CTNNA2: variants seen among roughly 807,000 people sequenced by gnomAD.
The protein encoded by CTNNA2 is catenin alpha-2.
A neutral mutation model predicts 101.0 loss-of-function variants in CTNNA2; 42 were observed. That is an observed-to-expected ratio of 0.42 (90% CI 0.32 to 0.54). The LOEUF (loss-of-function observed/expected upper bound fraction) is 0.54. CTNNA2 is among the 20% of genes least tolerant of loss of function. CTNNA2 has a pLI of 0.14. For missense variants in CTNNA2, 871 were observed against 1,223.1 expected, an observed-to-expected ratio of 0.71 and a Z score of 4.29; for synonymous variants, 450 against 456.4, an observed-to-expected ratio of 0.99 and a Z score of 0.18.
chr2:79,976,178 T>G (rs1188635990), intron 7 of CTNNA2, among the ~76,000 whole-genome samples: 1 of 152,116 alleles, frequency 6.6e-6, no homozygotes, highest in African/African-American at 2.4e-5. Context: ...AGAGGAAAAT[T>G]TTATAAGCTT....
At chr2:80,258,741 A>C (rs560459375) in intron 7 of CTNNA2, among the ~76,000 whole-genome samples, 32 of 152,306 alleles carry the variant, frequency 2.1e-4, no homozygotes, top group Admixed American at 1.6e-3. Context: ...GAAGGAACTC[A>C]CATGTTAGAC....
intron 6 of CTNNA2, among the ~76,000 whole-genome samples, chr2:79,896,056 G>C (rs2104246169): frequency 6.6e-6 from 1 of 152,192 alleles, no homozygotes; most frequent in Non-Finnish European, 1.5e-5. Context: ...GCTGAGGGAG[G>C]TGGATCGCCT....
intron 6 of CTNNA2, among the ~76,000 whole-genome samples, chr2:79,876,695 C>A (rs1201456363): frequency 6.6e-6 from 1 of 152,126 alleles, no homozygotes; most frequent in Non-Finnish European, 1.5e-5. Context: ...CACCTTTTAT[C>A]CCCAATTAAT....
chr2:79,411,546 C>G (rs1163443161), intron 4 of CTNNA2, among the ~76,000 whole-genome samples: 2 of 152,086 alleles, frequency 1.3e-5, no homozygotes, highest in Non-Finnish European at 2.9e-5. Context: ...CAACAGATCT[C>G]TCAGCAGAAT....
intron 4 of CTNNA2, among the ~76,000 whole-genome samples, chr2:79,858,390 AT>A (rs893758307): frequency 1.3e-5 from 2 of 151,932 alleles, no homozygotes; most frequent in Non-Finnish European, 2.9e-5. Flanking sequence ...TTGAATTATT[AT>A]TTTTTTTCCT....
intron 1 of CTNNA2, among the ~76,000 whole-genome samples, chr2:79,602,775 A>G (rs1318906098): frequency 6.6e-6 from 1 of 152,188 alleles, no homozygotes; most frequent in Non-Finnish European, 1.5e-5. Context: ...CCTTCATGAA[A>G]AAATCGTGAA....
chr2:79,419,069 T>C (rs1025214517), intron 4 of CTNNA2, among the ~76,000 whole-genome samples: 2 of 15,600 alleles, frequency 1.3e-4, no homozygotes, highest in African/African-American at 7.8e-4. Context: ...CTGGTACTTA[T>C]GCAAAAAAGC....
intron 7 of CTNNA2, among the ~76,000 whole-genome samples, chr2:80,228,110 G>A (rs1209708484): frequency 2.6e-5 from 4 of 152,202 alleles, no homozygotes; most frequent in Admixed American, 2.6e-4. Flanking sequence ...CTCCATGAGT[G>A]CACATGGTCA....
At chr2:80,217,852 A>T (rs1708358144) in intron 7 of CTNNA2, among the ~76,000 whole-genome samples, 2 of 152,216 alleles carry the variant, frequency 1.3e-5, no homozygotes, top group Non-Finnish European at 2.9e-5. Context: ...CCTCCTCTGC[A>T]GAGCAGAGCG....
intron 16 of CTNNA2, among the ~76,000 whole-genome samples, chr2:80,606,512 C>T (rs1698042805): frequency 6.6e-6 from 1 of 151,610 alleles, no homozygotes; most frequent in Admixed American, 6.6e-5. Flanking sequence ...AAACCTAATC[C>T]TCTTTGTGGC....
chr2:80,374,477 G>A (rs771407686), intron 7 of CTNNA2, among the ~76,000 whole-genome samples: 20 of 152,076 alleles, frequency 1.3e-4, no homozygotes, highest in Non-Finnish European at 2.8e-4. Context: ...TACCTAGCTT[G>A]ATTCCATGTC....
At chr2:80,560,973 C>T (rs1239041520) in intron 12 of CTNNA2, among the ~76,000 whole-genome samples, 2 of 151,710 alleles carry the variant, frequency 1.3e-5, no homozygotes, top group African/African-American at 4.8e-5. Context: ...AATATGTCTA[C>T]CAGCAGCCTC....
intron 2 of CTNNA2, among the ~76,000 whole-genome samples, chr2:79,731,148 G>C (rs369231659): frequency 6.6e-6 from 1 of 152,124 alleles, no homozygotes; most frequent in South Asian, 2.1e-4. Flanking sequence ...GTTTCAAAAT[G>C]TGTTACTTTT....
chr2:79,539,301 G>A (rs6707507), intron 1 of CTNNA2, among the ~76,000 whole-genome samples: 69,774 of 152,024 alleles, frequency 0.46, 16,299 homozygotes, highest in Non-Finnish European at 0.5. Flanking sequence ...CGTGTCTTCT[G>A]TTGGCCTTCA....
chr2:80,230,435 T>G (rs1255574318), intron 7 of CTNNA2, among the ~76,000 whole-genome samples: 1 of 152,118 alleles, frequency 6.6e-6, no homozygotes, highest in East Asian at 1.9e-4. Flanking sequence ...TAATCAACAT[T>G]GTGGGTGTTT....
chr2:79,294,995 A>ATGTGTGTG lies in CTNNA2; in HGVS notation c.-405-17702_-405-17695dup, dbSNP rs71385265. 7.3e-5 allele frequency among the ~76,000 whole-genome samples: 11 copies of ATGTGTGTG among 150,638 alleles called. No individual in the cohort carries two copies. In the East Asian group the frequency reaches 9.8e-4, roughly 13 times the overall value. On this transcript the variant is annotated intron_variant, in intron 2 of 21. Coordinates refer to the CTNNA2 transcript ENST00000466387. ...CACAATTGCACTTGTGTGTGAGTTC[A>ATGTGTGTG]TGTGTGTGTGTGTGTGTGTATTTGT... is the stretch of plus-strand genomic sequence containing the variant.
At chr2:80,487,138 G>T (rs533652912) in intron 9 of CTNNA2, among the ~76,000 whole-genome samples, 1 of 151,792 alleles carries the variant, frequency 6.6e-6, no homozygotes, top group Non-Finnish European at 1.5e-5. Context: ...AAAATTAGCC[G>T]GGCGTGGTGG....
intron 9 of CTNNA2, among the ~76,000 whole-genome samples, chr2:80,486,419 A>G (rs1406605298): frequency 6.6e-6 from 1 of 152,304 alleles, no homozygotes; most frequent in East Asian, 1.9e-4. Context: ...AGAAACCATA[A>G]TAACCATGGA....
At chr2:80,380,528 G>A (rs775746691) in intron 7 of CTNNA2, among the ~76,000 whole-genome samples, 4 of 152,176 alleles carry the variant, frequency 2.6e-5, no homozygotes, top group Non-Finnish European at 1.5e-5. Context: ...ACTTATAGCC[G>A]AAGACTTTGT....
Sources: gnomAD v4.1 joint callset for allele counts (sites outside exome capture counted in the v4.1 genomes callset) on GRCh38, gnomAD v4.1.1 for gene constraint, MANE v1.5 for transcripts, NCBI Gene and HGNC (gene_info 2026-07-23, HGNC 2026-07-21) for gene names.